Variants in SCHIP1 observed in about 807,000 individuals in gnomAD.
SCHIP1 encodes schwannomin interacting protein 1.
A neutral mutation model predicts 29.7 loss-of-function variants in SCHIP1; 8 were observed. That is an observed-to-expected ratio of 0.27 (90% CI 0.16 to 0.49). The LOEUF is 0.49. Ranked by LOEUF, SCHIP1 falls within the 20% of genes least tolerant of loss-of-function variation. The pLI, the probability that SCHIP1 is intolerant of heterozygous loss-of-function variation, is 0.99. For missense variants in SCHIP1, 193 were observed against 294.6 expected, an observed-to-expected ratio of 0.66 and a Z score of 2.52; for synonymous variants, 76 against 94.9, an observed-to-expected ratio of 0.80 and a Z score of 1.16.
chr3:159,605,497 A>G, the SCHIP1 span, among the ~76,000 whole-genome samples: 2 of 152,164 alleles, frequency 1.3e-5, no homozygotes, highest in Non-Finnish European at 2.9e-5. Flanking sequence ...ACGATAGGAA[A>G]CTGAGTATCT....
the SCHIP1 span, among the ~76,000 whole-genome samples, chr3:159,537,007 G>C: frequency 6.6e-6 from 1 of 152,148 alleles, no homozygotes; most frequent in Non-Finnish European, 1.5e-5. Context: ...CATGTTGGTA[G>C]TTTAAAACTG....
chr3:159,733,494 A>G, the SCHIP1 span, among the ~76,000 whole-genome samples: 3 of 152,202 alleles, frequency 2.0e-5, no homozygotes, highest in Non-Finnish European at 4.4e-5. Flanking sequence ...ATTTAAAAAA[A>G]GAGATGCTAA....
the SCHIP1 span, among the ~76,000 whole-genome samples, chr3:159,695,531 C>T: frequency 6.6e-6 from 1 of 152,156 alleles, no homozygotes; most frequent in Non-Finnish European, 1.5e-5. Flanking sequence ...TCTCTTCTCA[C>T]TGAGGATTTT....
the SCHIP1 span, among the ~76,000 whole-genome samples, chr3:159,571,870 G>C: frequency 6.6e-6 from 1 of 152,114 alleles, no homozygotes; most frequent in African/African-American, 2.4e-5. Flanking sequence ...TGTATGTGTC[G>C]AGGAATTTAT....
chr3:159,585,084 C>G, the SCHIP1 span, among the ~76,000 whole-genome samples: 4 of 150,590 alleles, frequency 2.7e-5, no homozygotes, highest in African/African-American at 1.0e-4. Flanking sequence ...ACCGCATCTA[C>G]CAGCACTTCT....
the SCHIP1 span, among the ~76,000 whole-genome samples, chr3:159,325,486 G>A: frequency 6.6e-6 from 1 of 152,096 alleles, no homozygotes; most frequent in Admixed American, 6.6e-5. Flanking sequence ...ACCAGTCTGG[G>A]AAAGTTGGCT....
At chr3:159,803,895 CCATT>C in the SCHIP1 span, among the ~76,000 whole-genome samples, 2 of 148,116 alleles carry the variant, frequency 1.4e-5, no homozygotes, top group Non-Finnish European at 3.0e-5. Flanking sequence ...TAGGCTTTAT[CCATT>C]CCCATTTTAC....
At chr3:159,639,974 C>T in the SCHIP1 span, among the ~76,000 whole-genome samples, 1 of 152,162 alleles carries the variant, frequency 6.6e-6, no homozygotes. Flanking sequence ...TTTTGCTATG[C>T]TTTTAAATCC....
the SCHIP1 span, among the ~76,000 whole-genome samples, chr3:159,452,056 G>A: frequency 4.0e-5 from 6 of 151,844 alleles, no homozygotes; most frequent in Admixed American, 3.9e-4. Flanking sequence ...TCTGCGTTGT[G>A]TGTAATTATT....
the SCHIP1 span, among the ~76,000 whole-genome samples, chr3:159,560,253 A>G: frequency 2.6e-5 from 4 of 152,210 alleles, no homozygotes; most frequent in Non-Finnish European, 4.4e-5. Context: ...TCCTGTGTGT[A>G]AGTTAAGAAT....
chr3:159,467,694 G>A, the SCHIP1 span, among the ~76,000 whole-genome samples: 1 of 152,072 alleles, frequency 6.6e-6, no homozygotes, highest in Middle Eastern at 3.4e-3. Flanking sequence ...AAATTGAGGT[G>A]TTTTTATTGT....
intron 1 of SCHIP1, among the ~76,000 whole-genome samples, chr3:159,865,816 G>C (rs1399330215): frequency 6.6e-6 from 1 of 152,212 alleles, no homozygotes. Flanking sequence ...AAAGTGATTT[G>C]ATTCAGGAGA....
chr3:159,721,926 T>G, the SCHIP1 span: 4 of 425,720 alleles, frequency 9.4e-6, no homozygotes, highest in African/African-American at 6.2e-5. Flanking sequence ...AACACAAATG[T>G]TTTCTTGAAG....
chr3:159,789,785 A>G, the SCHIP1 span, among the ~76,000 whole-genome samples: 2 of 152,244 alleles, frequency 1.3e-5, no homozygotes. Context: ...TTTATCAGGG[A>G]TGTACCCAGT....
the SCHIP1 span, among the ~76,000 whole-genome samples, chr3:159,446,852 G>T: frequency 6.6e-6 from 1 of 152,156 alleles, no homozygotes; most frequent in Non-Finnish European, 1.5e-5. Context: ...AGAAAAGTAA[G>T]GTGACCTGTT....
the SCHIP1 span, among the ~76,000 whole-genome samples, chr3:159,710,351 G>A: frequency 6.6e-6 from 1 of 152,138 alleles, no homozygotes; most frequent in African/African-American, 2.4e-5. Context: ...AGAAAAAACT[G>A]CATGATCTCT....
At chr3:159,310,207 G>A in the SCHIP1 span, among the ~76,000 whole-genome samples, 87 of 152,076 alleles carry the variant, frequency 5.7e-4, 2 homozygotes, top group Middle Eastern at 6.8e-3. Context: ...GATGGGAGAT[G>A]AACAGTTAAC....
At chr3:159,599,875 A>T in the SCHIP1 span, among the ~76,000 whole-genome samples, 6,462 of 151,848 alleles carry the variant, frequency 0.043, 296 homozygotes, top group African/African-American at 0.12. Context: ...CCAGTGTAGG[A>T]CTCCTTAAGC....
chr3:159,521,812 T>G, the SCHIP1 span, among the ~76,000 whole-genome samples: 1 of 152,252 alleles, frequency 6.6e-6, no homozygotes, highest in Non-Finnish European at 1.5e-5. Flanking sequence ...TTTACATATA[T>G]CTATACATAA....
Sources: gnomAD v4.1 joint callset for allele counts (sites outside exome capture counted in the v4.1 genomes callset) on GRCh38, gnomAD v4.1.1 for gene constraint, MANE v1.5 for transcripts, NCBI Gene and HGNC (gene_info 2026-07-23, HGNC 2026-07-21) for gene names.